Variants in MCPH1 observed in about 807,000 individuals in gnomAD.
MCPH1 encodes the protein microcephalin 1.
MCPH1 carries 104 observed loss-of-function variants against 84.5 expected under a neutral mutation model. The observed-to-expected ratio is 1.23, with a 90% CI of 1.05 to 1.45. MCPH1 has a LOEUF of 1.45. Among genes scored for constraint, MCPH1 ranks in the 40% most tolerant of loss-of-function variants. MCPH1 has a pLI of 0.00. For synonymous variants in MCPH1, 514 were observed against 366.8 expected (o/e 1.40, Z -4.58); for missense variants, 1,498 against 1,005.7 (o/e 1.49, Z -6.62).
At chr8:6,439,137 C>G (rs143289054) in intron 6 of MCPH1, 41 bp downstream of exon 6, 2 of 1,582,886 alleles carry the variant, frequency 1.3e-6, no homozygotes, top group African/African-American at 1.3e-5. Context: ...TGCAAATAGC[C>G]GATTCAATTA....
intron 12 of MCPH1, among the ~76,000 whole-genome samples, chr8:6,593,239 A>G (rs1192837687): frequency 1.3e-5 from 2 of 150,986 alleles, no homozygotes; most frequent in Non-Finnish European, 2.9e-5. Flanking sequence ...ATGTGCTACC[A>G]TGCCCGGCTA....
chr8:6,511,422 A>C (rs1815070554), intron 12 of MCPH1, among the ~76,000 whole-genome samples: 1 of 152,152 alleles, frequency 6.6e-6, no homozygotes, highest in Admixed American at 6.5e-5. Context: ...AAAAGTGATG[A>C]ATTTTTAAGA....
chr8:6,606,628 G>A (rs1829798038), intron 12 of MCPH1, among the ~76,000 whole-genome samples: 1 of 152,212 alleles, frequency 6.6e-6, no homozygotes, highest in Non-Finnish European at 1.5e-5. Context: ...TAGTAAGGAG[G>A]AGAGTGTATG....
intron 13 of MCPH1, among the ~76,000 whole-genome samples, chr8:6,633,077 G>A (rs1172873674): frequency 1.3e-5 from 2 of 151,344 alleles, no homozygotes; most frequent in African/African-American, 2.4e-5. Flanking sequence ...CTTAACTATG[G>A]AGGTTATCTA....
chr8:6,606,863 C>T (rs557962576), intron 12 of MCPH1, among the ~76,000 whole-genome samples: 8 of 152,298 alleles, frequency 5.3e-5, no homozygotes, highest in African/African-American at 1.9e-4. Context: ...AGTTTCCCTG[C>T]ACAAGCTCTC....
At chr8:6,603,044 G>A (rs1245962545) in intron 12 of MCPH1, among the ~76,000 whole-genome samples, 1 of 151,840 alleles carries the variant, frequency 6.6e-6, no homozygotes, top group Non-Finnish European at 1.5e-5. Context: ...TGACGTCATT[G>A]CTTGCACTTT....
At chr8:6,445,723 C>T in intron 8 of MCPH1, 176 bp downstream of exon 8, 10 of 1,405,814 alleles carry the variant, frequency 7.1e-6, no homozygotes, top group Non-Finnish European at 8.3e-6. Context: ...AGATGACTTG[C>T]TGTCTTGTGG....
intron 6 of MCPH1, among the ~76,000 whole-genome samples, chr8:6,440,677 G>C (rs1803373800): frequency 6.6e-6 from 1 of 152,192 alleles, no homozygotes; most frequent in Non-Finnish European, 1.5e-5. Flanking sequence ...AACTGGATCT[G>C]TTCTTGAAGT....
chr8:6,454,778 T>C (rs1289636952), intron 8 of MCPH1, among the ~76,000 whole-genome samples: 2 of 152,234 alleles, frequency 1.3e-5, no homozygotes, highest in African/African-American at 4.8e-5. Flanking sequence ...TTATTGCCTC[T>C]AATATGGAAC....
intron 12 of MCPH1, among the ~76,000 whole-genome samples, chr8:6,578,872 A>C (rs893096611): frequency 6.6e-6 from 1 of 152,178 alleles, no homozygotes; most frequent in Non-Finnish European, 1.5e-5. Flanking sequence ...TTGGGAGCAC[A>C]GGTTGCTTCT....
chr8:6,459,113 G>A (rs1805999424), intron 9 of MCPH1, among the ~76,000 whole-genome samples: 1 of 152,132 alleles, frequency 6.6e-6, no homozygotes, highest in Non-Finnish European at 1.5e-5. Context: ...GGATTGAATT[G>A]GTGAATTAAA....
At chr8:6,423,815 C>CA (rs953463664) in intron 3 of MCPH1, among the ~76,000 whole-genome samples, 7 of 152,028 alleles carry the variant, frequency 4.6e-5, no homozygotes, top group Admixed American at 2.6e-4. Flanking sequence ...CTGGAATTAT[C>CA]AAAAAAATGC....
intron 12 of MCPH1, among the ~76,000 whole-genome samples, chr8:6,538,964 T>C (rs1821004981): frequency 2.0e-5 from 3 of 152,216 alleles, no homozygotes; most frequent in Admixed American, 6.5e-5. Flanking sequence ...TGAAACATCA[T>C]TTGAGGTCTC....
intron 12 of MCPH1, among the ~76,000 whole-genome samples, chr8:6,572,417 C>G (rs996064207): frequency 6.6e-6 from 1 of 152,150 alleles, no homozygotes; most frequent in Non-Finnish European, 1.5e-5. Flanking sequence ...CTCTGCTGAT[C>G]TCCTATCAAG....
At chr8:6,590,672 A>C (rs1475228554) in intron 12 of MCPH1, among the ~76,000 whole-genome samples, 1 of 152,210 alleles carries the variant, frequency 6.6e-6, no homozygotes, top group Non-Finnish European at 1.5e-5. Context: ...AATAATAATA[A>C]GTTTTTGGAA....
intron 3 of MCPH1, among the ~76,000 whole-genome samples, chr8:6,421,696 G>C (rs911407831): frequency 6.6e-6 from 1 of 152,138 alleles, no homozygotes; most frequent in Non-Finnish European, 1.5e-5. Context: ...TGTAGATTTG[G>C]ATCCTGTGGC....
chr8:6,445,883 G>C (rs1053366441), intron 8 of MCPH1: 1 of 1,054,018 alleles, frequency 9.5e-7, no homozygotes, highest in African/African-American at 1.7e-5. Context: ...TGGCGCTGCA[G>C]CGTGTGTAAA....
intron 12 of MCPH1, among the ~76,000 whole-genome samples, chr8:6,568,330 T>C (rs1056219555): frequency 6.7e-6 from 1 of 149,148 alleles, no homozygotes; most frequent in Non-Finnish European, 1.5e-5. Context: ...AAAGGACTTA[T>C]GACAGTCAGA....
At chr8:6,410,217 G>A (rs986272084) in intron 2 of MCPH1, among the ~76,000 whole-genome samples, 4 of 151,502 alleles carry the variant, frequency 2.6e-5, no homozygotes, top group Non-Finnish European at 4.4e-5. Context: ...CTCGTGATCC[G>A]CCCACCTCGG....
Sources: allele counts gnomAD v4.1 joint callset (sites outside exome capture counted in the v4.1 genomes callset), GRCh38; gene constraint gnomAD v4.1.1; transcripts MANE v1.5; gene names NCBI Gene and HGNC (gene_info 2026-07-23, HGNC 2026-07-21).